The following CPEB3 variants were observed in gnomAD, a reference collection of about 807,000 sequenced individuals.
CPEB3 encodes cytoplasmic polyadenylation element-binding protein 3.
Under a neutral mutation model 67.2 loss-of-function variants are expected in CPEB3, and 20 were observed. That is an observed-to-expected ratio of 0.30 (90% confidence interval 0.21 to 0.43). CPEB3 has a LOEUF of 0.43. Ranked by LOEUF, CPEB3 falls within the 20% of genes least tolerant of loss-of-function variation. The pLI, the probability that CPEB3 is intolerant of heterozygous loss-of-function variation, is 1.00. For missense variants in CPEB3, 746 were observed against 968.6 expected (o/e 0.77, Z 3.05); for synonymous variants, 376 against 393.1 (o/e 0.96, Z 0.51).
intron 7 of CPEB3, among the ~76,000 whole-genome samples, chr10:92,094,588 C>A (rs561597902): frequency 3.2e-4 from 48 of 149,414 alleles, no homozygotes; most frequent in African/African-American, 1.1e-3. Context: ...GGCGGTAGAG[C>A]GAAACTCCCT....
At chr10:92,243,124 A>G (rs1234816865) in intron 1 of CPEB3, 2 of 152,106 alleles carry the variant, frequency 1.3e-5, no homozygotes, top group Non-Finnish European at 2.9e-5. Context: ...ATTCTTTTAC[A>G]TGCAATAACC....
intron 8 of CPEB3, among the ~76,000 whole-genome samples, chr10:92,084,143 C>T (rs1327605008): frequency 1.5e-5 from 2 of 130,212 alleles, no homozygotes; most frequent in Non-Finnish European, 3.1e-5. Context: ...CCAGCACAGG[C>T]GAAAGAGCAA....
chr10:92,166,878 T>C (rs1170083763), intron 4 of CPEB3, among the ~76,000 whole-genome samples: 1 of 152,236 alleles, frequency 6.6e-6, no homozygotes, highest in East Asian at 1.9e-4. Flanking sequence ...AGATGGCTGT[T>C]TCACCTACAC....
chr10:92,074,395 T>A (rs757561764), intron 9 of CPEB3, among the ~76,000 whole-genome samples: 46 of 152,256 alleles, frequency 3.0e-4, no homozygotes, highest in Non-Finnish European at 4.7e-4. Context: ...TGAATTTGTA[T>A]CATCTAACAG....
chr10:92,149,022 T>G (rs530511228), intron 4 of CPEB3, among the ~76,000 whole-genome samples: 1 of 150,948 alleles, frequency 6.6e-6, no homozygotes, highest in South Asian at 2.2e-4. Context: ...TGCCTCAACC[T>G]CCCCAGTAGC....
intron 1 of CPEB3, among the ~76,000 whole-genome samples, chr10:92,275,933 C>T (rs1348702946): frequency 1.1e-4 from 16 of 149,614 alleles, no homozygotes; most frequent in Non-Finnish European, 1.9e-4. Context: ...ACTGCAAGCT[C>T]CGCCTCCTGG....
chr10:92,244,839 T>C (rs1171113775), intron 1 of CPEB3, among the ~76,000 whole-genome samples: 1 of 152,198 alleles, frequency 6.6e-6, no homozygotes, highest in Non-Finnish European at 1.5e-5. Flanking sequence ...TGCTATTATC[T>C]ATAGCTTCTG....
chr10:92,278,890 C>T (rs1469037115), intron 1 of CPEB3, among the ~76,000 whole-genome samples: 1 of 151,960 alleles, frequency 6.6e-6, no homozygotes, highest in Admixed American at 6.6e-5. Context: ...TGAGCCACCA[C>T]GCCCAGCCTC....
intron 2 of CPEB3, among the ~76,000 whole-genome samples, chr10:92,198,809 G>C (rs1288937579): frequency 1.3e-5 from 2 of 152,128 alleles, no homozygotes; most frequent in Admixed American, 1.3e-4. Context: ...CATAAAACTA[G>C]GTCTGTGACT....
chr10:92,245,515 A>T (rs1331036188), intron 1 of CPEB3, among the ~76,000 whole-genome samples: 1 of 152,154 alleles, frequency 6.6e-6, no homozygotes, highest in Non-Finnish European at 1.5e-5. Context: ...CCACCAAAAG[A>T]TCTACGTAAA....
chr10:92,144,281 T>C (rs1846574307), intron 5 of CPEB3, among the ~76,000 whole-genome samples: 1 of 152,170 alleles, frequency 6.6e-6, no homozygotes, highest in African/African-American at 2.4e-5. Flanking sequence ...TATTTATTTA[T>C]TTACTTATGA....
chr10:92,059,952 C>CAAAAAAA, intron 9 of CPEB3, among the ~76,000 whole-genome samples: 1 of 60,810 alleles, frequency 1.6e-5, no homozygotes, highest in Non-Finnish European at 3.8e-5. Context: ...CGAGACTCCT[C>CAAAAAAA]AAAAAAAAAA....
chr10:92,289,757 A>G (rs1289769701), intron 1 of CPEB3, among the ~76,000 whole-genome samples: 1 of 129,960 alleles, frequency 7.7e-6, no homozygotes, highest in African/African-American at 2.9e-5. Context: ...ATATATATAT[A>G]TGTATTATAT....
chr10:92,090,633 A>G (rs925961116), intron 8 of CPEB3, among the ~76,000 whole-genome samples: 12 of 152,242 alleles, frequency 7.9e-5, no homozygotes, highest in Non-Finnish European at 1.6e-4. Flanking sequence ...CCATTTGTAA[A>G]ATAAGGAAAA....
chr10:92,185,138 T>C lies in CPEB3; in HGVS notation c.1166-4119A>G, dbSNP rs540996016. ...ATAGAATCAAGTGCGTGACATCTGATGATTTTTGTATAATGTAGTCTGGTG... is the reference window on the plus strand; with the variant it reads ...ATAGAATCAAGTGCGTGACATCTGACGATTTTTGTATAATGTAGTCTGGTG... On this transcript the variant is annotated intron_variant, in intron 3 of 9. Transcript: ENST00000265997. 2.8e-4 allele frequency among the ~76,000 whole-genome samples: 42 copies of C among 152,246 alleles called. 1 individual carries two copies. The highest frequency in any genetic ancestry group is 5.9e-4 in the Non-Finnish European group (40 of 68,044).
intron 2 of CPEB3, among the ~76,000 whole-genome samples, chr10:92,212,266 C>T (rs1850134022): frequency 6.9e-6 from 1 of 145,140 alleles, no homozygotes; most frequent in Admixed American, 7.1e-5. Flanking sequence ...GGCAACAAGA[C>T]AGTGGTACAA....
rs546300433 is a variant in CPEB3 at position 92,048,387 on chromosome 10, T to TCTCTCACACACACACACACA, written c.*3824_*3825insTGTGTGTGTGTGTGTGAGAG. On this transcript the variant is annotated 3_prime_UTR_variant, in exon 10 of 10. Transcript: ENST00000265997. The surrounding 1 kb of genome is among the most constrained non-coding windows in gnomAD (Gnocchi z 4.1). The stretch of plus-strand genomic sequence containing the variant: ...TTCTCTCTCTCTCTCTCTCTCTCTC[T>TCTCTCACACACACACACACA]CACACACACACACACACACACGACA... The TCTCTCACACACACACACACA allele has an allele frequency of 4.9e-5, 7 of 141,488 alleles. No homozygotes were observed. Among genetic ancestry groups the TCTCTCACACACACACACACA allele is most frequent in the African/African-American group, 1.9e-4 (7 of 37,000 alleles). 8.8% of individuals were successfully genotyped at this position (141,488 alleles called of 1,614,324 possible).
At chr10:92,138,621 G>A (rs1443381896) in intron 6 of CPEB3, among the ~76,000 whole-genome samples, 3 of 151,920 alleles carry the variant, frequency 2.0e-5, no homozygotes, top group East Asian at 1.9e-4. Flanking sequence ...GATTGTCAGC[G>A]AAAGGCAAAT....
chr10:92,156,492 A>G (rs763734733), intron 4 of CPEB3, among the ~76,000 whole-genome samples: 13 of 152,202 alleles, frequency 8.5e-5, no homozygotes, highest in Non-Finnish European at 1.6e-4. Flanking sequence ...TGAGAAAACT[A>G]GAGGGAAAAT....
Sources: allele counts gnomAD v4.1 joint callset (sites outside exome capture counted in the v4.1 genomes callset), GRCh38; gene constraint gnomAD v4.1.1; non-coding constraint Gnocchi (gnomAD v3.1); transcripts MANE v1.5; gene names NCBI Gene and HGNC (gene_info 2026-07-23, HGNC 2026-07-21).